ZNF676: variants seen among roughly 807,000 people sequenced by gnomAD.
ZNF676 encodes the protein zinc finger protein 676.
In ZNF676, 4 loss-of-function variants were observed where a neutral mutation model predicts 6.0. That is an observed-to-expected ratio of 0.67 (90% CI 0.33 to 1.53). The LOEUF is 1.53. Ranked by LOEUF, ZNF676 falls within the 40% of genes most tolerant of loss-of-function variation. ZNF676 has a pLI of 0.06. For missense variants in ZNF676, 644 were observed against 679.7 expected, an observed-to-expected ratio of 0.95 and a Z score of 0.58; for synonymous variants, 198 against 223.1, an observed-to-expected ratio of 0.89 and a Z score of 1.00.
chr19:22,214,938 G>A (rs184831394), intron 1 of ZNF676, among the ~76,000 whole-genome samples: 3,227 of 151,062 alleles, frequency 0.021, 59 homozygotes, highest in Middle Eastern at 0.051. Flanking sequence ...CTACTCGGGA[G>A]GCTGAGGCAG....
Position 22,181,067 on chromosome 19 carries a change from A to G in ZNF676, c.650T>C (p.Val217Ala). Residue 217 changes from valine to alanine, a missense_variant, in exon 3 of 3, where the codon GTA (valine) becomes GCA (alanine). Physicochemically the swap from Val to Ala is moderately conservative, Grantham distance 64. Coordinates refer to ENST00000397121, the MANE Select transcript of ZNF676 (RefSeq NM_001001411.3). The stretch of plus-strand genomic sequence containing the variant: ...GTAGGGTTTCTCTCCAGTATGAATT[A>G]CCTTATGTTTAGTAAGGATTGAGAA... ...SKFSILTKHKVIHTGEKPYKC... is the reference protein window; with the variant it reads ...SKFSILTKHKAIHTGEKPYKC... 2 of 1,474,788 alleles carry G rather than the reference A, an allele frequency of 1.4e-6. No individual in the cohort carries two copies. Among genetic ancestry groups the G allele is most frequent in the South Asian group, 1.2e-5 (1 of 80,446 alleles). The allele number at this position is 1,474,788 out of a possible 1,614,324, so 91.4% of individuals were successfully genotyped here.
chr19:22,240,595 A>T, the ZNF676 span, among the ~76,000 whole-genome samples: 1 of 152,084 alleles, frequency 6.6e-6, no homozygotes, highest in East Asian at 1.9e-4. Context: ...GGAGTTCAAG[A>T]CCAGCCTGAC....
chr19:22,230,753 G>A, the ZNF676 span, among the ~76,000 whole-genome samples: 1 of 151,834 alleles, frequency 6.6e-6, no homozygotes, highest in African/African-American at 2.4e-5. Context: ...CTGCCTTCCA[G>A]TTTCATGTGA....
the ZNF676 span, among the ~76,000 whole-genome samples, chr19:22,247,464 T>C: frequency 1.3e-5 from 2 of 151,864 alleles, no homozygotes; most frequent in Admixed American, 6.6e-5. Context: ...CTCAGGAGGC[T>C]GAGGTGGGAG....
chr19:22,222,588 C>A, the ZNF676 span, among the ~76,000 whole-genome samples: 2 of 152,196 alleles, frequency 1.3e-5, no homozygotes, highest in East Asian at 3.9e-4. Context: ...TATAGTTTTG[C>A]ATTGCATTGG....
intron 1 of ZNF676, among the ~76,000 whole-genome samples, chr19:22,208,473 C>A (rs10418058): frequency 0.43 from 65,245 of 152,018 alleles, 14,964 homozygotes; most frequent in African/African-American, 0.59. Flanking sequence ...TGATTCCTCA[C>A]TAAACTAAAA....
At chr19:22,256,293 T>G in the ZNF676 span, among the ~76,000 whole-genome samples, 1 of 152,038 alleles carries the variant, frequency 6.6e-6, no homozygotes, top group Non-Finnish European at 1.5e-5. Flanking sequence ...ATCACCTGAG[T>G]GCTTGGCCAG....
chr19:22,241,998 T>A, the ZNF676 span, among the ~76,000 whole-genome samples: 1 of 151,892 alleles, frequency 6.6e-6, no homozygotes. Flanking sequence ...GTGATGACAC[T>A]CTCTGTATCA....
the ZNF676 span, among the ~76,000 whole-genome samples, chr19:22,235,032 GA>G: frequency 2.6e-3 from 340 of 131,690 alleles, 6 homozygotes; most frequent in African/African-American, 7.8e-3. Flanking sequence ...AAGAAAGAAA[GA>G]AAAGAAAAGA....
At chr19:22,231,167 T>C in the ZNF676 span, among the ~76,000 whole-genome samples, 329 of 151,920 alleles carry the variant, frequency 2.2e-3, 1 homozygote, top group African/African-American at 7.6e-3. Flanking sequence ...TTATATCTTT[T>C]AGAAGTTTTA....
In ZNF676 at chr19:22,180,297, C is replaced by T. The variant is rs764647040; in HGVS notation, c.1420G>A (p.Glu474Lys). 3 of 1,612,686 alleles carry T rather than the reference C, an allele frequency of 1.9e-6. No individual in the cohort carries two copies. The South Asian group carries it at 3.3e-5, about 18-fold the overall frequency. ...CATTCTTCACATTTGTAAGGTTTCT[C>T]TGCAGCATGAATTCTCTTGTGTTTA... The part of the protein sequence containing the change: ...FTKHKRIHAA[E>K]KPYKCEECGK... Residue 474 changes from glutamate (E) to lysine (K), a missense_variant, in exon 3 of 3, where the codon GAG becomes AAG. This residue lies in a region of ZNF676 where 306 missense variants were observed against 265.4 expected (regional missense o/e 1.15). Coordinates refer to ENST00000397121, the MANE Select transcript of ZNF676 (RefSeq NM_001001411.3).
chr19:22,211,928 A>G (rs1369121476), intron 1 of ZNF676, among the ~76,000 whole-genome samples: 3 of 152,174 alleles, frequency 2.0e-5, no homozygotes, highest in African/African-American at 7.2e-5. Context: ...GGCAGGGCGC[A>G]GTGGCTCACA....
At chr19:22,216,958 A>G (rs1457658802), upstream of ZNF676, among the ~76,000 whole-genome samples, 1 of 151,306 alleles carries the variant, frequency 6.6e-6, no homozygotes, top group Non-Finnish European at 1.5e-5. Flanking sequence ...AAGCCAAAAC[A>G]TATAAACTTA....
the ZNF676 span, among the ~76,000 whole-genome samples, chr19:22,249,768 T>C: frequency 6.6e-6 from 1 of 152,324 alleles, no homozygotes; most frequent in African/African-American, 2.4e-5. Flanking sequence ...ACGGGTTTTT[T>C]TTTTTTTAAA....
chr19:22,212,209 A>AAG (rs1328440467), intron 1 of ZNF676, among the ~76,000 whole-genome samples: 1 of 151,050 alleles, frequency 6.6e-6, no homozygotes, highest in Non-Finnish European at 1.5e-5. Context: ...CAAAAAAAAA[A>AAG]AAAAAGAAAA....
chr19:22,222,998 G>T, the ZNF676 span, among the ~76,000 whole-genome samples: 2 of 152,156 alleles, frequency 1.3e-5, no homozygotes, highest in East Asian at 3.9e-4. Context: ...GGCAGAATTG[G>T]CCATAAACTG....
intron 1 of ZNF676, chr19:22,203,796 G>T (rs1018021608): frequency 2.0e-5 from 3 of 152,284 alleles, no homozygotes; most frequent in African/African-American, 7.2e-5. Context: ...GTTTCACCAT[G>T]TTGTCCAGGC....
the ZNF676 span, among the ~76,000 whole-genome samples, chr19:22,231,169 G>C: frequency 6.6e-6 from 1 of 151,340 alleles, no homozygotes; most frequent in African/African-American, 2.4e-5. Flanking sequence ...ATATCTTTTA[G>C]AAGTTTTATG....
the ZNF676 span, among the ~76,000 whole-genome samples, chr19:22,226,229 G>A: frequency 7.9e-5 from 12 of 152,012 alleles, no homozygotes; most frequent in Non-Finnish European, 1.8e-4. Flanking sequence ...ATTTACAGAA[G>A]GGTTCATTTC....
Sources: gnomAD v4.1 joint callset for allele counts (sites outside exome capture counted in the v4.1 genomes callset) on GRCh38, gnomAD v4.1.1 for gene constraint, gnomAD v4.1.1 regional missense constraint, MANE v1.5 for transcripts, NCBI Gene and HGNC (gene_info 2026-07-23, HGNC 2026-07-21) for gene names.